The following YWHAG variants were observed in gnomAD, a reference collection of about 807,000 sequenced individuals.
The protein encoded by YWHAG is tyrosine 3-monooxygenase/tryptophan 5-monooxygenase activation protein gamma.
In YWHAG, 1 loss-of-function variant was observed where a neutral mutation model predicts 23.3. That is an observed-to-expected ratio of 0.04 (90% confidence interval 0.02 to 0.20). The LOEUF is 0.20. Ranked by LOEUF, YWHAG falls within the 10% of genes least tolerant of loss-of-function variation. The pLI, the probability that YWHAG is intolerant of heterozygous loss-of-function variation, is 1.00. For missense variants in YWHAG, 151 were observed against 338.6 expected, an observed-to-expected ratio of 0.45 and a Z score of 4.35; for synonymous variants, 160 against 144.0, an observed-to-expected ratio of 1.11 and a Z score of -0.80.
At position 76,348,297 on chromosome 7, in the gene YWHAG, C is replaced by T. The variant is rs376090527; in HGVS notation, c.87+10425G>A. On this transcript the variant is annotated intron_variant, in intron 1 of 1. Coordinates refer to ENST00000307630, the MANE Select transcript of YWHAG (RefSeq NM_012479.4). ...TTTTTTTTTTTTGGAGATAGCGTGT[C>T]GCCCAGGCTAGAGTGCAGTGGCACA... Among the ~76,000 whole-genome samples the T allele has an allele frequency of 2.6e-4, 38 of 146,188 alleles. No individual in the cohort carries two copies. The East Asian group carries it at 3.7e-3, about 14-fold the overall frequency.
chr7:76,335,219 A>G (rs1803599704), intron 1 of YWHAG, among the ~76,000 whole-genome samples: 1 of 151,994 alleles, frequency 6.6e-6, no homozygotes, highest in South Asian at 2.1e-4. Context: ...CACTACGCCC[A>G]GCTAATTTTT....
intron 1 of YWHAG, among the ~76,000 whole-genome samples, chr7:76,342,866 G>C (rs1341602416): frequency 2.0e-5 from 3 of 152,114 alleles, no homozygotes; most frequent in Non-Finnish European, 4.4e-5. Flanking sequence ...GCCGGGCACA[G>C]TGGCTCACAC....
intron 1 of YWHAG, among the ~76,000 whole-genome samples, chr7:76,345,217 G>A (rs1239235801): frequency 3.6e-5 from 5 of 140,104 alleles, no homozygotes; most frequent in Non-Finnish European, 6.0e-5. Flanking sequence ...ACGGAGTCTC[G>A]CTCTGTTGCC....
At chr7:76,334,370 C>T (rs939593788) in intron 1 of YWHAG, among the ~76,000 whole-genome samples, 1 of 152,122 alleles carries the variant, frequency 6.6e-6, no homozygotes, top group Non-Finnish European at 1.5e-5. Flanking sequence ...TGGGAAGATA[C>T]GGGATCTTGT....
At chr7:76,337,795 C>T (rs983035968) in intron 1 of YWHAG, among the ~76,000 whole-genome samples, 1 of 152,182 alleles carries the variant, frequency 6.6e-6, no homozygotes, top group Non-Finnish European at 1.5e-5. Context: ...CTCAGCCTCC[C>T]AAAGTGCTGG....
chr7:76,334,782 G>A (rs1234031321), intron 1 of YWHAG, among the ~76,000 whole-genome samples: 1 of 151,610 alleles, frequency 6.6e-6, no homozygotes, highest in Non-Finnish European at 1.5e-5. Context: ...TCACTCTGTT[G>A]CCCAGGCTGG....
intron 1 of YWHAG, among the ~76,000 whole-genome samples, chr7:76,358,342 G>A (rs568502542): frequency 1.3e-5 from 2 of 152,282 alleles, no homozygotes; most frequent in African/African-American, 4.8e-5. Flanking sequence ...GCGGTCCCCC[G>A]CCCCCACGCC....
chr7:76,343,375 A>G (rs1171871575), intron 1 of YWHAG, among the ~76,000 whole-genome samples: 1 of 152,106 alleles, frequency 6.6e-6, no homozygotes, highest in Non-Finnish European at 1.5e-5. Flanking sequence ...CACCAGACTC[A>G]GACTCTTCCC....
Position 76,326,957 on chromosome 7 carries a change from A to G in YWHAG, c.*2620T>C, listed in dbSNP as rs1583979788. The G allele has an allele frequency of 2.0e-5, 3 of 152,754 alleles. No individual in the cohort carries two copies. Among genetic ancestry groups the G allele is most frequent in the South Asian group, 2.1e-4 (1 of 4,826 alleles). The allele number at this position is 152,754 out of a possible 1,614,324, so 9.5% of individuals were successfully genotyped here. ...AAAATAATCACTGATTAGACCTTAA[A>G]AATAGTTCACTGCATAACATGACAA... On this transcript the variant is annotated 3_prime_UTR_variant, in exon 2 of 2. Transcript: ENST00000307630.
At chr7:76,347,876 A>G (rs934720005) in intron 1 of YWHAG, among the ~76,000 whole-genome samples, 1 of 152,246 alleles carries the variant, frequency 6.6e-6, no homozygotes. Flanking sequence ...GACTCCAAAC[A>G]GCAAAACTAC....
chr7:76,356,994 T>C (rs927743921), intron 1 of YWHAG, among the ~76,000 whole-genome samples: 17 of 152,210 alleles, frequency 1.1e-4, no homozygotes, highest in African/African-American at 4.1e-4. Context: ...TTGGTTGCTA[T>C]GGATATAGGT....
Position 76,354,527 on chromosome 7 carries a change from T to G in YWHAG, c.87+4195A>C, listed in dbSNP as rs147116886. Among the ~76,000 whole-genome samples the G allele has an allele frequency of 3.8e-3, 582 of 151,954 alleles. 3 individuals carry two copies. Among genetic ancestry groups the G allele is most frequent in the African/African-American group, 0.014 (561 of 41,442 alleles). On this transcript the variant is annotated intron_variant, in intron 1 of 1. Transcript: ENST00000307630. ...AGAGCAAGACTCCGTCTCAAAAAAA[T>G]TAAAATAAAATACAATAAAATAAAA...
intron 1 of YWHAG, among the ~76,000 whole-genome samples, chr7:76,345,063 G>A (rs1384735121): frequency 1.3e-5 from 2 of 152,138 alleles, no homozygotes; most frequent in Admixed American, 1.3e-4. Context: ...GGTGAGGGAG[G>A]GGGACACTGA....
Position 76,330,101 on chromosome 7 carries a change from C to T in YWHAG, c.220G>A (p.Gly74Ser), listed in dbSNP as rs1057100383. ...ACCATCTCAATCTTCTTCTCATTGCCGTCTGCAGATGTCTTCTGCTCAATG... is the reference window on the plus strand; with the variant it reads ...ACCATCTCAATCTTCTTCTCATTGCTGTCTGCAGATGTCTTCTGCTCAATG... Reference protein sequence around the residue: ...SSIEQKTSADGNEKKIEMVRA... With the variant: ...SSIEQKTSADSNEKKIEMVRA... Residue 74 changes from glycine to serine, a missense_variant, in exon 2 of 2, where the codon GGC becomes AGC. Physicochemically the swap from Gly to Ser is moderately conservative, Grantham distance 56 (BLOSUM62 0). Coordinates refer to ENST00000307630, the MANE Select transcript of YWHAG (RefSeq NM_012479.4). 9 of 1,614,132 alleles carry T rather than the reference C, an allele frequency of 5.6e-6. No homozygotes were observed. Among genetic ancestry groups the T allele is most frequent in the South Asian group, 2.2e-5 (2 of 91,082 alleles).
intron 1 of YWHAG, among the ~76,000 whole-genome samples, chr7:76,335,552 T>G (rs1803603808): frequency 6.6e-6 from 1 of 152,206 alleles, no homozygotes; most frequent in Non-Finnish European, 1.5e-5. Flanking sequence ...TACCTAAGAT[T>G]AGCAACTCTT....
Position 76,327,667 on chromosome 7 carries a change from T to G in YWHAG, c.*1910A>C, listed in dbSNP as rs1348986215. 12 of 7,316 alleles carry G rather than the reference T, an allele frequency of 1.6e-3. No homozygotes were observed. The highest frequency in any genetic ancestry group is 5.1e-3 in the South Asian group (1 of 198). The allele number at this position is 7,316 out of a possible 1,614,324, so 0.5% of individuals were successfully genotyped here. A position where few individuals can be genotyped will look rare whatever the true frequency, so the allele number is the denominator to read the frequency against. The stretch of plus-strand genomic sequence containing the variant: ...AAATTAGGGAAAGCCCCACCTACCC[T>G]GCCCCCCCCCCCCTCCCCCCCCAAA... On this transcript the variant is annotated 3_prime_UTR_variant, in exon 2 of 2. Coordinates refer to ENST00000307630, the MANE Select transcript of YWHAG (RefSeq NM_012479.4).
At chr7:76,342,715 G>A (rs895753964) in intron 1 of YWHAG, among the ~76,000 whole-genome samples, 1 of 151,982 alleles carries the variant, frequency 6.6e-6, no homozygotes, top group Non-Finnish European at 1.5e-5. Context: ...TCGAACCTCC[G>A]CTGGGCTACT....
rs144959423 is a variant in YWHAG at position 76,339,363 on chromosome 7, G to A, written c.88-9130C>T. On this transcript the variant is annotated intron_variant, in intron 1 of 1. Coordinates refer to ENST00000307630, the MANE Select transcript of YWHAG (RefSeq NM_012479.4). ...CGCACACCTGTAATCCCAGCTACTC[G>A]GGAGGCGGAGACAGGAGAACTGCTT... 3.3e-3 allele frequency among the ~76,000 whole-genome samples: 497 copies of A among 152,182 alleles called. 3 individuals are homozygous for A. The highest frequency in any genetic ancestry group is 0.02 in the South Asian group (95 of 4,824).
At chr7:76,333,185 G>A (rs890185349) in intron 1 of YWHAG, among the ~76,000 whole-genome samples, 1 of 152,124 alleles carries the variant, frequency 6.6e-6, no homozygotes, top group Non-Finnish European at 1.5e-5. Context: ...GCCCAGGCTG[G>A]CCTTGAACTC....
Sources: gnomAD v4.1 joint callset for allele counts (sites outside exome capture counted in the v4.1 genomes callset) on GRCh38, gnomAD v4.1.1 for gene constraint, MANE v1.5 for transcripts, NCBI Gene and HGNC (gene_info 2026-07-23, HGNC 2026-07-21) for gene names.